ESRRG: variants seen among roughly 807,000 people sequenced by gnomAD.
ESRRG encodes the protein estrogen related receptor gamma, also known as estrogen-related receptor gamma.
In ESRRG, 13 loss-of-function variants were observed where a neutral mutation model predicts 44.0. That is an observed-to-expected ratio of 0.30 (90% CI 0.19 to 0.47). The LOEUF is 0.47. Among genes scored for constraint, ESRRG ranks in the 20% least tolerant of loss-of-function variants. The pLI is 1.00. For missense variants in ESRRG, 395 were observed against 580.6 expected, an observed-to-expected ratio of 0.68 and a Z score of 3.29; for synonymous variants, 215 against 214.6, an observed-to-expected ratio of 1.00 and a Z score of -0.02.
intron 2 of ESRRG, among the ~76,000 whole-genome samples, chr1:216,810,768 G>GAT (rs1340062927): frequency 6.8e-6 from 1 of 146,768 alleles, no homozygotes; most frequent in Non-Finnish European, 1.5e-5. Context: ...ATATAACTAT[G>GAT]ATATATATAC....
chr1:216,895,303 G>A (rs2058290714), intron 2 of ESRRG, among the ~76,000 whole-genome samples: 2 of 152,118 alleles, frequency 1.3e-5, no homozygotes, highest in Admixed American at 1.3e-4. Context: ...AAATATGACT[G>A]TCATCCATCT....
At chr1:216,550,769 T>C (rs2056074127) in intron 5 of ESRRG, among the ~76,000 whole-genome samples, 1 of 152,208 alleles carries the variant, frequency 6.6e-6, no homozygotes, top group South Asian at 2.1e-4. Flanking sequence ...GTAAAGATAC[T>C]GCCATTCTCC....
intron 2 of ESRRG, chr1:216,936,715 A>G (rs2064207291): frequency 1.3e-5 from 2 of 152,102 alleles, no homozygotes; most frequent in Non-Finnish European, 2.9e-5. Flanking sequence ...GGAAAAAAAA[A>G]AAGAAGAAGG....
intron 3 of ESRRG, among the ~76,000 whole-genome samples, chr1:216,644,375 A>G (rs1309776473): frequency 6.6e-6 from 1 of 151,854 alleles, no homozygotes; most frequent in Admixed American, 6.6e-5. Flanking sequence ...AAATATTCAC[A>G]CACAACACTG....
intron 2 of ESRRG, among the ~76,000 whole-genome samples, chr1:216,916,823 T>A (rs1004101877): frequency 8.0e-6 from 1 of 125,224 alleles, no homozygotes; most frequent in Non-Finnish European, 1.6e-5. Context: ...CAAATTCCAC[T>A]CAGCTTTGGT....
chr1:217,088,101 C>A (rs959730928), intron 1 of ESRRG, among the ~76,000 whole-genome samples: 2 of 151,286 alleles, frequency 1.3e-5, no homozygotes, highest in Non-Finnish European at 2.9e-5. Flanking sequence ...TCCCATTTTT[C>A]TGTCTTTTTC....
intron 3 of ESRRG, among the ~76,000 whole-genome samples, chr1:216,570,260 CAAAAAAGTTAGGT>C (rs2060530860): frequency 1.3e-5 from 2 of 151,946 alleles, no homozygotes. Context: ...TATCAAAACC[CAAAAAAGTTAGGT>C]AAGGTTATTA....
intron 1 of ESRRG, among the ~76,000 whole-genome samples, chr1:216,710,368 G>T (rs1347966528): frequency 6.6e-6 from 1 of 152,160 alleles, no homozygotes; most frequent in African/African-American, 2.4e-5. Flanking sequence ...CAGAAGACAA[G>T]AGAAACAACC....
chr1:217,012,039 G>C (rs2078691977), intron 1 of ESRRG, among the ~76,000 whole-genome samples: 2 of 152,034 alleles, frequency 1.3e-5, no homozygotes, highest in Admixed American at 6.6e-5. Flanking sequence ...AATTGAAAAG[G>C]GACTCTTTTT....
chr1:216,627,416 T>G (rs1327859526), intron 3 of ESRRG, among the ~76,000 whole-genome samples: 1 of 152,190 alleles, frequency 6.6e-6, no homozygotes, highest in East Asian at 1.9e-4. Context: ...CCAGCTCGGC[T>G]TCCTCAACAC....
At chr1:216,883,993 T>A (rs1294423192) in intron 2 of ESRRG, among the ~76,000 whole-genome samples, 1 of 152,206 alleles carries the variant, frequency 6.6e-6, no homozygotes, top group Non-Finnish European at 1.5e-5. Flanking sequence ...CTGCAGTCCT[T>A]CAGAATGAAA....
At position 216,677,797 on chromosome 1, in the gene ESRRG, A is replaced by G. The variant is rs78954476; in HGVS notation, c.57-306T>C. Among the ~76,000 whole-genome samples, 875 of 152,296 alleles carry G rather than the reference A, an allele frequency of 5.7e-3. 10 individuals carry two copies. Among genetic ancestry groups the G allele is most frequent in the African/African-American group, 0.02 (823 of 41,560 alleles). ...CAGGCCATAAACAAAAGCTCTAAAG[A>G]GTCCGATTGCTTTTATTTTACCTTT... On this transcript the variant is annotated intron_variant, in intron 1 of 6. Coordinates refer to ENST00000408911, the MANE Select transcript of ESRRG (RefSeq NM_001438.4).
At chr1:217,007,640 C>T (rs2077941810) in intron 1 of ESRRG, among the ~76,000 whole-genome samples, 1 of 152,106 alleles carries the variant, frequency 6.6e-6, no homozygotes, top group South Asian at 2.1e-4. Flanking sequence ...CTTTCTTATT[C>T]TTAAGCTATT....
intron 1 of ESRRG, among the ~76,000 whole-genome samples, chr1:217,118,170 C>A (rs1337101212): frequency 6.6e-6 from 1 of 152,172 alleles, no homozygotes; most frequent in East Asian, 1.9e-4. Flanking sequence ...ACTCAGAAAC[C>A]ATGAGTAACA....
intron 5 of ESRRG, among the ~76,000 whole-genome samples, chr1:216,562,417 A>AT (rs1251518824): frequency 6.6e-6 from 1 of 151,970 alleles, no homozygotes; most frequent in Non-Finnish European, 1.5e-5. Flanking sequence ...TCTACCTCAA[A>AT]TCTCCTTATC....
At chr1:217,093,852 A>G (rs2092386519), upstream of ESRRG, among the ~76,000 whole-genome samples, 1 of 151,308 alleles carries the variant, frequency 6.6e-6, no homozygotes, top group East Asian at 1.9e-4. Context: ...TTAATGAGAT[A>G]AAATTATTTA....
In ESRRG at chr1:216,519,739, T is replaced by C. The variant is rs113638876; in HGVS notation, c.863-318A>G. 4.6e-5 allele frequency among the ~76,000 whole-genome samples: 7 copies of C among 150,890 alleles called. 1 individual carries two copies. Among genetic ancestry groups the C allele is most frequent in the African/African-American group, 1.7e-4 (7 of 41,064 alleles). ...ATACTTGATTTCTGGTTGAAGTCTT[T>C]AGGAAAATCTTACAGGAAGTCAGAT... On this transcript the variant is annotated intron_variant, in intron 5 of 6. Transcript: ENST00000408911.
At chr1:216,572,077 A>T (rs1261920666) in intron 3 of ESRRG, among the ~76,000 whole-genome samples, 1 of 152,148 alleles carries the variant, frequency 6.6e-6, no homozygotes, top group Non-Finnish European at 1.5e-5. Context: ...ACTGCTTTTA[A>T]CTCGTTTTCA....
chr1:216,639,966 A>G (rs11572716), intron 3 of ESRRG, among the ~76,000 whole-genome samples: 6 of 152,214 alleles, frequency 3.9e-5, no homozygotes, highest in African/African-American at 1.4e-4. Flanking sequence ...CCATTTCCAT[A>G]TCACTCTCTT....
Sources: allele counts gnomAD v4.1 joint callset (sites outside exome capture counted in the v4.1 genomes callset), GRCh38; gene constraint gnomAD v4.1.1; transcripts MANE v1.5; gene names NCBI Gene and HGNC (gene_info 2026-07-23, HGNC 2026-07-21).